The following RIPOR3 variants were observed in gnomAD, a reference collection of about 807,000 sequenced individuals.
RIPOR3 encodes family with sequence similarity 65 member C.
A neutral mutation model predicts 114.3 loss-of-function variants in RIPOR3; 95 were observed. The observed-to-expected ratio is 0.83, with a 90% CI of 0.70 to 0.99. The LOEUF is 0.99. Ranked by LOEUF, RIPOR3 falls within the 50% of genes least tolerant of loss-of-function variation. RIPOR3 has a pLI of 0.00. For synonymous variants in RIPOR3, 575 were observed against 543.8 expected (o/e 1.06, Z -0.80); for missense variants, 1,252 against 1,266.9 (o/e 0.99, Z 0.18).
rs1471972021 is a variant in RIPOR3 at position 50,594,612 on chromosome 20, T to G, written c.2153A>C (p.Gln718Pro). Reference sequence around the variant, plus strand: ...TCTGTGCTGGAAGGTTTTCTTGAGCTGGTTCAGCAGCGTCGTGGCAGGGCA... The same window carrying G: ...TCTGTGCTGGAAGGTTTTCTTGAGCGGGTTCAGCAGCGTCGTGGCAGGGCA... ...LSCPATTLLNQLKKTFQHRVR... is the reference protein window; with the variant it reads ...LSCPATTLLNPLKKTFQHRVR... Residue 718 changes from glutamine (Q) to proline (P), a missense_variant, in exon 17 of 22, where the codon CAG becomes CCG. By Grantham distance (76) the Gln-to-Pro change is moderately conservative. Coordinates refer to ENST00000327979, the MANE Select transcript of RIPOR3 (RefSeq NM_001290268.2). The G allele has an allele frequency of 3.1e-6, 5 of 1,613,964 alleles. No homozygotes were observed. The East Asian group carries it at 8.9e-5, about 29-fold the overall frequency.
chr20:50,607,495 G>A (rs2083765818), intron 11 of RIPOR3, among the ~76,000 whole-genome samples: 1 of 152,196 alleles, frequency 6.6e-6, no homozygotes, highest in Non-Finnish European at 1.5e-5. Context: ...GGCCTGACCA[G>A]AAGGCCTAGA....
In RIPOR3 at chr20:50,588,769, G is replaced by GA. The variant is rs1218262439; in HGVS notation, c.2662-878dup. Among the ~76,000 whole-genome samples, 393 of 133,152 alleles carry GA rather than the reference G, an allele frequency of 3.0e-3. 1 individual carries two copies. Among genetic ancestry groups the GA allele is most frequent in the Non-Finnish European group, 4.5e-3 (275 of 61,536 alleles). 87.4% of individuals were successfully genotyped at this position (133,152 alleles called of 152,430 possible). On this transcript the variant is annotated intron_variant, in intron 20 of 21. Transcript: ENST00000327979. ...CAAGTGAAAAAAAAAAAAAAAAAAA[G>GA]AAAAAAAACACCACAAATAAAGAAT...
At position 50,637,843 on chromosome 20, in the gene RIPOR3, C is replaced by T. The variant is rs374713820; in HGVS notation, c.4-6987G>A. Among the ~76,000 whole-genome samples, 2 of 152,184 alleles carry T rather than the reference C, an allele frequency of 1.3e-5. 1 individual carries two copies. The highest frequency in any genetic ancestry group is 4.2e-4 in the South Asian group (2 of 4,810). ...TTAGCTGAGATCACACCGTTGCACT[C>T]CAGCCTGGGTGATAAAGCAAGACTT... is the stretch of plus-strand genomic sequence containing the variant. On this transcript the variant is annotated intron_variant, in intron 1 of 21. Coordinates refer to ENST00000327979, the MANE Select transcript of RIPOR3 (RefSeq NM_001290268.2).
intron 16 of RIPOR3, chr20:50,594,988 G>T (rs562447067): frequency 2.6e-5 from 13 of 506,932 alleles, no homozygotes; most frequent in Admixed American, 9.7e-5. Flanking sequence ...CTTCTGAGGG[G>T]AGGTCCCACG....
In RIPOR3 at chr20:50,691,059, G is replaced by C; in HGVS notation, c.3+67C>G. On this transcript the variant is annotated intron_variant, in intron 1 of 21. Coordinates refer to ENST00000327979, the MANE Select transcript of RIPOR3 (RefSeq NM_001290268.2). ...CGGCTGCCTCCTCCTGTCACCCCCA[G>C]CTCCAGAAGTCTGTCCACACAAGGC... 3.9e-6 allele frequency: 5 copies of C among 1,289,242 alleles called. No homozygotes were observed. In the South Asian group the frequency reaches 6.2e-5, roughly 16 times the overall value. 79.9% of individuals were successfully genotyped at this position (1,289,242 alleles called of 1,614,324 possible).
rs539994082 is a variant in RIPOR3, at chr20:50,673,847, G to A, written c.3+17279C>T. On this transcript the variant is annotated intron_variant, in intron 1 of 21. Coordinates refer to ENST00000327979, the MANE Select transcript of RIPOR3 (RefSeq NM_001290268.2). ...GACCCAATGGAGCGAATCGTTGCGAGCATTTATTTAATAGCATTATCTTGA... is the reference window on the plus strand; with the variant it reads ...GACCCAATGGAGCGAATCGTTGCGAACATTTATTTAATAGCATTATCTTGA... Among the ~76,000 whole-genome samples, 9 of 152,278 alleles carry A rather than the reference G, an allele frequency of 5.9e-5. No individual in the cohort carries two copies. In the East Asian group the frequency reaches 1.7e-3, roughly 29 times the overall value.
At chr20:50,666,241 C>T (rs576066964) in intron 1 of RIPOR3, among the ~76,000 whole-genome samples, 22 of 23,592 alleles carry the variant, frequency 9.3e-4, no homozygotes, top group South Asian at 2.5e-3. Context: ...GACGGAGTCA[C>T]GCTCTGTTGC....
intron 17 of RIPOR3, among the ~76,000 whole-genome samples, chr20:50,593,949 G>C (rs1332038233): frequency 1.3e-5 from 2 of 151,956 alleles, no homozygotes; most frequent in Non-Finnish European, 2.9e-5. Context: ...TCAGGCTCTG[G>C]TGGGAGGCAT....
chr20:50,640,943 CTT>C (rs767224547), intron 1 of RIPOR3, among the ~76,000 whole-genome samples: 1 of 133,254 alleles, frequency 7.5e-6, no homozygotes, highest in Non-Finnish European at 1.6e-5. Flanking sequence ...GAGCTTTGCT[CTT>C]TTTGCCCAGG....
intron 4 of RIPOR3, among the ~76,000 whole-genome samples, 160 bp downstream of exon 4, chr20:50,615,842 C>T (rs1430063232): frequency 6.6e-6 from 1 of 152,200 alleles, no homozygotes; most frequent in African/African-American, 2.4e-5. Flanking sequence ...CTGTACGTGC[C>T]AAAGTGAAGT....
Position 50,593,054 on chromosome 20 carries a change from G to A in RIPOR3, c.2355C>T (p.Phe785=). 1 of 1,614,106 alleles carries A rather than the reference G, an allele frequency of 6.2e-7. No homozygotes were observed. Among genetic ancestry groups the A allele is most frequent in the Non-Finnish European group, 8.5e-7 (1 of 1,180,032 alleles). Residue 785 remains phenylalanine (F), a synonymous_variant, in exon 18 of 22, where the codon TTC becomes TTT. Transcript: ENST00000327979. ...RQSVSDLEKH[F]TQLTKEVTLI... ...TCTTACCTTCCTTGGTGAGCTGGGTGAAGTGCTTCTCCAGGTCAGAGACGC... is the reference window on the plus strand; with the variant it reads ...TCTTACCTTCCTTGGTGAGCTGGGTAAAGTGCTTCTCCAGGTCAGAGACGC...
intron 13 of RIPOR3, among the ~76,000 whole-genome samples, chr20:50,599,347 G>A (rs151013749): frequency 1.1e-4 from 17 of 151,942 alleles, no homozygotes; most frequent in Non-Finnish European, 2.1e-4. Flanking sequence ...AGCTGAGATC[G>A]TGCCACTGCA....
At chr20:50,626,285 A>C (rs984426370) in intron 2 of RIPOR3, among the ~76,000 whole-genome samples, 1 of 152,242 alleles carries the variant, frequency 6.6e-6, no homozygotes, top group African/African-American at 2.4e-5. Flanking sequence ...GGCCAAGGCC[A>C]GGTGGGGGCT....
At chr20:50,667,232 G>GCCTTGT (rs2087297692) in intron 1 of RIPOR3, among the ~76,000 whole-genome samples, 1 of 150,558 alleles carries the variant, frequency 6.6e-6, no homozygotes, top group Admixed American at 6.6e-5. Flanking sequence ...AGCCTCCCTG[G>GCCTTGT]CCTTGTCCTT....
At chr20:50,686,518 G>A (rs374432631) in intron 1 of RIPOR3, among the ~76,000 whole-genome samples, 105 of 152,030 alleles carry the variant, frequency 6.9e-4, no homozygotes, top group African/African-American at 2.4e-3. Context: ...GGAGGCCTAC[G>A]CGGGTAGATC....
intron 1 of RIPOR3, among the ~76,000 whole-genome samples, chr20:50,680,801 G>A (rs1417335314): frequency 1.3e-5 from 2 of 152,212 alleles, no homozygotes; most frequent in Non-Finnish European, 2.9e-5. Flanking sequence ...GTCGGGGGGT[G>A]GGAGGGCACC....
chr20:50,660,749 CTTTTTTTTTTTT>C (rs58201824), intron 1 of RIPOR3, among the ~76,000 whole-genome samples: 4 of 83,256 alleles, frequency 4.8e-5, no homozygotes, highest in African/African-American at 1.7e-4. Context: ...TGGGATTTAC[CTTTTTTTTTTTT>C]TTTTTTTTTT....
intron 2 of RIPOR3, among the ~76,000 whole-genome samples, chr20:50,623,105 C>G (rs1166548956): frequency 1.3e-5 from 2 of 151,384 alleles, no homozygotes; most frequent in South Asian, 4.2e-4. Flanking sequence ...CTCTACTAAA[C>G]AAAAAATTAG....
At chr20:50,677,671 CTT>C (rs1341300055) in intron 1 of RIPOR3, among the ~76,000 whole-genome samples, 24 of 130,652 alleles carry the variant, frequency 1.8e-4, no homozygotes, top group Admixed American at 3.2e-4. Context: ...CGCGCCTGGC[CTT>C]TTTTTTTTTT....
Sources: gnomAD v4.1 joint callset for allele counts (sites outside exome capture counted in the v4.1 genomes callset) on GRCh38, gnomAD v4.1.1 for gene constraint, MANE v1.5 for transcripts, NCBI Gene and HGNC (gene_info 2026-07-23, HGNC 2026-07-21) for gene names.